Variants in TENM2 observed in about 807,000 individuals in gnomAD.
TENM2 encodes the protein teneurin-2.
A neutral mutation model predicts 245.2 loss-of-function variants in TENM2; 52 were observed. That is an observed-to-expected ratio of 0.21 (90% CI 0.17 to 0.27). TENM2 has a LOEUF of 0.27. TENM2 is among the 10% of genes least tolerant of loss of function. The probability of loss-of-function intolerance (pLI) is 1.00; values close to 1 mark genes in which losing one functional copy is unlikely to be tolerated. For missense variants in TENM2, 3,046 were observed against 3,666.8 expected, an observed-to-expected ratio of 0.83 and a Z score of 4.37; for synonymous variants, 1,363 against 1,438.9, an observed-to-expected ratio of 0.95 and a Z score of 1.19.
intron 2 of TENM2, among the ~76,000 whole-genome samples, chr5:167,494,828 C>G (rs1768699119): frequency 6.6e-6 from 1 of 151,898 alleles, no homozygotes; most frequent in Non-Finnish European, 1.5e-5. Context: ...ACAGATGACC[C>G]CAGATAAAAA....
chr5:167,194,365 C>T, the TENM2 span, among the ~76,000 whole-genome samples: 2 of 152,016 alleles, frequency 1.3e-5, no homozygotes, highest in African/African-American at 2.4e-5. Context: ...TCCTCTAGTT[C>T]TACATGACCC....
intron 6 of TENM2, among the ~76,000 whole-genome samples, chr5:168,060,114 G>T (rs1306294280): frequency 6.6e-6 from 1 of 152,026 alleles, no homozygotes; most frequent in African/African-American, 2.4e-5. Flanking sequence ...CATGCTGGGT[G>T]TGGTGGCTCA....
intron 3 of TENM2, among the ~76,000 whole-genome samples, chr5:167,939,315 C>A (rs752017018): frequency 6.6e-6 from 1 of 152,178 alleles, no homozygotes; most frequent in Non-Finnish European, 1.5e-5. Context: ...ATAGGGTTCA[C>A]ACTCCTCTGA....
the TENM2 span, among the ~76,000 whole-genome samples, chr5:167,084,697 A>G: frequency 2.0e-5 from 3 of 152,026 alleles, no homozygotes; most frequent in African/African-American, 7.2e-5. Flanking sequence ...TGAAATAGCA[A>G]TATTTTCTGG....
At chr5:167,453,588 A>C (rs1435410464) in intron 2 of TENM2, among the ~76,000 whole-genome samples, 1 of 152,196 alleles carries the variant, frequency 6.6e-6, no homozygotes, top group Non-Finnish European at 1.5e-5. Flanking sequence ...TTTTAAGAAA[A>C]GCCATTAAAT....
At chr5:167,534,375 G>C (rs907593652) in intron 2 of TENM2, among the ~76,000 whole-genome samples, 1 of 152,156 alleles carries the variant, frequency 6.6e-6, no homozygotes, top group Non-Finnish European at 1.5e-5. Flanking sequence ...AAAAACATAA[G>C]ACTCCAAAAG....
chr5:167,785,579 C>A (rs1237807906), intron 2 of TENM2, among the ~76,000 whole-genome samples: 1 of 152,120 alleles, frequency 6.6e-6, no homozygotes, highest in East Asian at 1.9e-4. Flanking sequence ...ATGCACAATC[C>A]CTTCATCAAT....
rs565145842 is a variant in TENM2 at position 168,226,601 on chromosome 5, A to T, written c.5284+338A>T. On this transcript the variant is annotated intron_variant, in intron 24 of 28. Coordinates refer to ENST00000518659, the Ensembl canonical transcript of TENM2. Reference sequence around the variant, plus strand: ...TCACCACCTCTCCCCACCAACCCAAAACACATAGTTATCTTCTCAAAGGCC... The same window carrying T: ...TCACCACCTCTCCCCACCAACCCAATACACATAGTTATCTTCTCAAAGGCC... Among the ~76,000 whole-genome samples the T allele has an allele frequency of 2.0e-5, 3 of 152,068 alleles. No individual in the cohort carries two copies. The East Asian group carries it at 5.8e-4, about 29-fold the overall frequency.
At chr5:168,240,091 A>G (rs1765950475) in intron 25 of TENM2, among the ~76,000 whole-genome samples, 2 of 152,142 alleles carry the variant, frequency 1.3e-5, no homozygotes, top group South Asian at 4.1e-4. Context: ...ATGGTGGTGC[A>G]CCTCTGTAGT....
intron 2 of TENM2, among the ~76,000 whole-genome samples, chr5:167,572,587 C>A (rs1338552573): frequency 6.6e-6 from 1 of 152,038 alleles, no homozygotes; most frequent in Non-Finnish European, 1.5e-5. Flanking sequence ...ATAACTTATA[C>A]CAAATAGTTG....
At chr5:167,782,541 G>A (rs1371908757) in intron 2 of TENM2, among the ~76,000 whole-genome samples, 2 of 151,978 alleles carry the variant, frequency 1.3e-5, no homozygotes, top group African/African-American at 2.4e-5. Flanking sequence ...AAGTCATTGA[G>A]ATCATTTCCA....
At chr5:167,586,928 A>C (rs1225413180) in intron 2 of TENM2, among the ~76,000 whole-genome samples, 1 of 152,168 alleles carries the variant, frequency 6.6e-6, no homozygotes, top group Non-Finnish European at 1.5e-5. Flanking sequence ...AGTGCATGTA[A>C]GTTTGTTAAT....
exon 27 of TENM2, chr5:168,248,081 T>A: frequency 6.2e-7 from 1 of 1,613,996 alleles, no homozygotes; most frequent in African/African-American, 1.3e-5. Context: ...GTGTTCAGCA[T>A]CAACGGCCTC....
chr5:167,706,576 T>C (rs1247042482), intron 2 of TENM2, among the ~76,000 whole-genome samples: 1 of 152,008 alleles, frequency 6.6e-6, no homozygotes, highest in African/African-American at 2.4e-5. Flanking sequence ...AATATCTCTT[T>C]AAGAGCTGGT....
At position 167,708,593 on chromosome 5, in the gene TENM2, G is replaced by A. The variant is rs549953423; in HGVS notation, c.503-167393G>A. 9.6e-4 allele frequency among the ~76,000 whole-genome samples: 146 copies of A among 152,138 alleles called. 1 individual carries two copies. The highest frequency in any genetic ancestry group is 3.4e-3 in the Middle Eastern group (1 of 294). The stretch of plus-strand genomic sequence containing the variant: ...CCCAGTTCTATTTCTCCATTCACTG[G>A]CAGAAGGGATGGAGAGGACTTGGGT... On this transcript the variant is annotated intron_variant, in intron 2 of 28. Coordinates refer to ENST00000518659, the Ensembl canonical transcript of TENM2.
chr5:167,797,429 T>C (rs1765398436), intron 2 of TENM2, among the ~76,000 whole-genome samples: 1 of 152,218 alleles, frequency 6.6e-6, no homozygotes. Context: ...AGGGAACTTC[T>C]TGTTTAGAAA....
In TENM2 at chr5:167,861,414, T is replaced by C. The variant is rs113266903; in HGVS notation, c.503-14572T>C. Among the ~76,000 whole-genome samples, 745 of 152,298 alleles carry C rather than the reference T, an allele frequency of 4.9e-3. 5 individuals carry two copies. The highest frequency in any genetic ancestry group is 0.017 in the African/African-American group (711 of 41,556). Reference sequence around the variant, plus strand: ...TTTGGAGCCCCACAGGTAGTGGAAATGACAAACGTCTACAAAGAAGCTTTG... The same window carrying C: ...TTTGGAGCCCCACAGGTAGTGGAAACGACAAACGTCTACAAAGAAGCTTTG... On this transcript the variant is annotated intron_variant, in intron 2 of 28. Transcript: ENST00000518659.
At chr5:167,259,725 A>AT in the TENM2 span, among the ~76,000 whole-genome samples, 287 of 149,208 alleles carry the variant, frequency 1.9e-3, 2 homozygotes, top group South Asian at 0.025. Context: ...TTCTCCTCTG[A>AT]TTTTTTTTTT....
chr5:167,931,639 G>A (rs1778300274), intron 3 of TENM2, among the ~76,000 whole-genome samples: 2 of 151,342 alleles, frequency 1.3e-5, no homozygotes, highest in Non-Finnish European at 2.9e-5. Context: ...TGAGCTTCTT[G>A]CCTTTAAAAG....
Sources: gnomAD v4.1 joint callset for allele counts (sites outside exome capture counted in the v4.1 genomes callset) on GRCh38, gnomAD v4.1.1 for gene constraint, MANE v1.5 for transcripts, NCBI Gene and HGNC (gene_info 2026-07-23, HGNC 2026-07-21) for gene names.